The following IL1RAPL2 variants were observed in gnomAD, a reference collection of about 807,000 sequenced individuals.
IL1RAPL2 encodes the protein interleukin 1 receptor accessory protein like 2.
A neutral mutation model predicts 44.1 loss-of-function variants in IL1RAPL2; 3 were observed. That is an observed-to-expected ratio of 0.07 (90% CI 0.03 to 0.18). The LOEUF is 0.18. Among genes scored for constraint, IL1RAPL2 ranks in the 10% least tolerant of loss-of-function variants. IL1RAPL2 has a pLI of 1.00. For missense variants in IL1RAPL2, 391 were observed against 496.4 expected (o/e 0.79, Z 2.02); for synonymous variants, 181 against 178.8 (o/e 1.01, Z -0.10).
chrX:104,891,149 C>T (rs1195602892), intron 2 of IL1RAPL2, among the ~76,000 whole-genome samples: 3 of 110,501 alleles, frequency 2.7e-5, no homozygotes, highest in South Asian at 3.9e-4. Flanking sequence ...TTCTGTTCCA[C>T]TTCTCTATAT....
chrX:105,542,724 TTTA>T (rs1250568448), intron 6 of IL1RAPL2, among the ~76,000 whole-genome samples: 1 of 95,593 alleles, frequency 1.0e-5, no homozygotes, highest in Non-Finnish European at 2.2e-5. Context: ...TATTTATTTA[TTTA>T]TTTAATTTAT....
At chrX:105,193,700 C>T (rs1430446890) in intron 2 of IL1RAPL2, among the ~76,000 whole-genome samples, 4 of 111,632 alleles carry the variant, frequency 3.6e-5, no homozygotes, top group African/African-American at 9.8e-5. Context: ...TGAGAGACAA[C>T]CAGTGATCAG....
Position 105,224,153 on chromosome X carries a change from G to A in IL1RAPL2, c.357-9665G>A, listed in dbSNP as rs2033993391. The stretch of plus-strand genomic sequence containing the variant: ...GAAGGAATCCCGAGGTCTTGGAAAG[G>A]GTAGCAGATACCTTTAGGGATAGGA... On this transcript the variant is annotated intron_variant, in intron 3 of 10. Transcript: ENST00000372582. Among the ~76,000 whole-genome samples, 7 of 110,750 alleles carry A rather than the reference G, an allele frequency of 6.3e-5. No homozygotes were observed. In the Admixed American group the frequency reaches 6.8e-4, roughly 11 times the overall value.
intron 8 of IL1RAPL2, among the ~76,000 whole-genome samples, chrX:105,746,819 A>G (rs1488292634): frequency 2.7e-5 from 3 of 111,491 alleles, no homozygotes. Context: ...CTTTTAAAAC[A>G]TTTGAAAGCT....
At chrX:104,638,396 C>T (rs1278010197) in intron 1 of IL1RAPL2, among the ~76,000 whole-genome samples, 2 of 110,718 alleles carry the variant, frequency 1.8e-5, no homozygotes, top group Non-Finnish European at 1.9e-5. Context: ...TTTTTTTCTG[C>T]TGATTTTGAG....
intron 5 of IL1RAPL2, among the ~76,000 whole-genome samples, chrX:105,375,518 A>G (rs953123859): frequency 5.4e-5 from 6 of 111,877 alleles, no homozygotes; most frequent in African/African-American, 2.0e-4. Flanking sequence ...TCAAAAACAA[A>G]CAAACAAACA....
intron 2 of IL1RAPL2, among the ~76,000 whole-genome samples, chrX:104,898,786 C>A (rs1923728780): frequency 8.9e-6 from 1 of 112,208 alleles, no homozygotes. Flanking sequence ...TTTTTCCCAA[C>A]AAGTCCTCCA....
At chrX:105,340,061 A>C (rs780440458) in intron 5 of IL1RAPL2, among the ~76,000 whole-genome samples, 15 of 111,817 alleles carry the variant, frequency 1.3e-4, no homozygotes, top group Non-Finnish European at 2.4e-4. Flanking sequence ...ATGACTCTCA[A>C]ATTAAAATAT....
intron 7 of IL1RAPL2, among the ~76,000 whole-genome samples, chrX:105,725,350 T>G (rs2038341423): frequency 8.9e-6 from 1 of 111,867 alleles, no homozygotes; most frequent in Non-Finnish European, 1.9e-5. Context: ...GCAAATAATT[T>G]TATTTACCTT....
intron 2 of IL1RAPL2, among the ~76,000 whole-genome samples, chrX:105,116,266 C>T (rs2032861127): frequency 1.8e-5 from 2 of 112,425 alleles, no homozygotes; most frequent in African/African-American, 3.2e-5. Context: ...CACGCTGTCA[C>T]CTCTCAGTTT....
At chrX:104,931,376 TA>T (rs11459071) in intron 2 of IL1RAPL2, among the ~76,000 whole-genome samples, 1,400 of 75,219 alleles carry the variant, frequency 0.019, 15 homozygotes, top group African/African-American at 0.046. Flanking sequence ...CCACCTCCCC[TA>T]AAAAAAAAAA....
intron 5 of IL1RAPL2, among the ~76,000 whole-genome samples, chrX:105,279,054 T>C (rs1159595565): frequency 9.0e-6 from 1 of 111,722 alleles, no homozygotes; most frequent in Non-Finnish European, 1.9e-5. Context: ...GATACTAATT[T>C]ATAGTAATAA....
intron 10 of IL1RAPL2, among the ~76,000 whole-genome samples, chrX:105,763,728 T>A (rs2038706581): frequency 9.0e-6 from 1 of 110,839 alleles, no homozygotes; most frequent in African/African-American, 3.3e-5. Context: ...TCGCCTTCTT[T>A]TCCTAAGAGC....
intron 7 of IL1RAPL2, among the ~76,000 whole-genome samples, chrX:105,719,336 A>C (rs917148021): frequency 8.9e-6 from 1 of 112,097 alleles, no homozygotes; most frequent in African/African-American, 3.2e-5. Context: ...GTCCACAATA[A>C]GCAACTTTAT....
chrX:104,635,189 A>G (rs1370706044), intron 1 of IL1RAPL2, among the ~76,000 whole-genome samples: 1 of 111,950 alleles, frequency 8.9e-6, no homozygotes, highest in Non-Finnish European at 1.9e-5. Flanking sequence ...CTTCTGGCTT[A>G]TAGAGTTTCT....
intron 6 of IL1RAPL2, among the ~76,000 whole-genome samples, chrX:105,701,695 A>C (rs1012049919): frequency 8.9e-6 from 1 of 111,876 alleles, no homozygotes; most frequent in Non-Finnish European, 1.9e-5. Context: ...TCGACTCCTT[A>C]CCAATTTATT....
chrX:105,223,919 G>C (rs1237842048), intron 3 of IL1RAPL2, among the ~76,000 whole-genome samples: 1 of 111,395 alleles, frequency 9.0e-6, no homozygotes, highest in African/African-American at 3.3e-5. Context: ...ATGCAGTTTT[G>C]GATTGACAAA....
chrX:105,697,309 A>AC (rs60444046), intron 6 of IL1RAPL2, among the ~76,000 whole-genome samples: 2 of 109,190 alleles, frequency 1.8e-5, no homozygotes, highest in Non-Finnish European at 3.8e-5. Context: ...AAAAAAAAAA[A>AC]CACCAAAATT....
chrX:104,654,822 T>A (rs1226292785), intron 1 of IL1RAPL2, among the ~76,000 whole-genome samples: 2 of 111,485 alleles, frequency 1.8e-5, no homozygotes, highest in Non-Finnish European at 3.8e-5. Context: ...ATGTTCTTCT[T>A]CCATTTGTTT....
Sources: gnomAD v4.1 joint callset for allele counts (sites outside exome capture counted in the v4.1 genomes callset) on GRCh38, gnomAD v4.1.1 for gene constraint, MANE v1.5 for transcripts, NCBI Gene and HGNC (gene_info 2026-07-23, HGNC 2026-07-21) for gene names.